RAF1: variants seen among roughly 807,000 people sequenced by gnomAD.
RAF1 encodes the protein Raf-1 proto-oncogene, serine/threonine kinase.
A neutral mutation model predicts 81.1 loss-of-function variants in RAF1; 27 were observed. The observed-to-expected ratio is 0.33, with a 90% CI of 0.25 to 0.46. The LOEUF is 0.46. Ranked by LOEUF, RAF1 falls within the 20% of genes least tolerant of loss-of-function variation. The probability of loss-of-function intolerance (pLI) is 1.00; values close to 1 mark genes in which losing one functional copy is unlikely to be tolerated. For synonymous variants in RAF1, 298 were observed against 294.0 expected (o/e 1.01, Z -0.14); for missense variants, 598 against 826.0 (o/e 0.72, Z 3.38).
chr3:12,635,784 T>C (rs1247526273), intron 1 of RAF1, among the ~76,000 whole-genome samples: 1 of 150,334 alleles, frequency 6.7e-6, no homozygotes, highest in Non-Finnish European at 1.5e-5. Flanking sequence ...CCATCCTGGC[T>C]AACACGGTGA....
intron 6 of RAF1, among the ~76,000 whole-genome samples, chr3:12,605,641 A>G (rs181407743): frequency 6.6e-6 from 1 of 152,210 alleles, no homozygotes; most frequent in Non-Finnish European, 1.5e-5. Flanking sequence ...GTTAACACTG[A>G]GCAGTAGATA....
chr3:12,586,466 T>C (rs561798036), intron 14 of RAF1, among the ~76,000 whole-genome samples: 52 of 152,218 alleles, frequency 3.4e-4, no homozygotes, highest in Non-Finnish European at 4.0e-4. Context: ...ACTTGTGATG[T>C]TGGTGCCCAG....
chr3:12,595,573 T>TC (rs1358871031), intron 11 of RAF1, among the ~76,000 whole-genome samples: 1 of 152,098 alleles, frequency 6.6e-6, no homozygotes, highest in Non-Finnish European at 1.5e-5. Context: ...CTCCTATTAG[T>TC]ATACCTCTCA....
intron 1 of RAF1, among the ~76,000 whole-genome samples, chr3:12,649,630 T>C (rs1247049201): frequency 6.6e-6 from 1 of 151,812 alleles, no homozygotes; most frequent in Admixed American, 6.6e-5. Context: ...CAGTTTTCAC[T>C]GTTAGTTACA....
rs2125318528 is a variant in RAF1 at position 12,584,749 on chromosome 3, C to T, written c.1864-92G>A. On this transcript the variant is annotated intron_variant, in intron 17 of 17. Coordinates refer to ENST00000442415, the MANE Select transcript of RAF1 (RefSeq NM_001354689.3). ...CACCATCTTGTAGAGGACCTGGGTC[C>T]CCTCCCTATAAAACAAAACAAAACA... The T allele has an allele frequency of 1.2e-5, 19 of 1,612,958 alleles. 1 individual carries two copies. In the South Asian group the frequency reaches 2.1e-4, roughly 18 times the overall value.
At position 12,584,168 on chromosome 3, in the gene RAF1, C is replaced by A; in HGVS notation, c.*346G>T. ...ACATCAGGGCTGGACTGCCTGCTACCTTACTTCCTCTAAATACTCATGTAG... is the reference window on the plus strand; with the variant it reads ...ACATCAGGGCTGGACTGCCTGCTACATTACTTCCTCTAAATACTCATGTAG... On this transcript the variant is annotated 3_prime_UTR_variant, in exon 18 of 18. Coordinates refer to ENST00000442415, the MANE Select transcript of RAF1 (RefSeq NM_001354689.3). 2.5e-6 allele frequency: 1 copy of A among 408,070 alleles called. No individual in the cohort carries two copies. The highest frequency in any genetic ancestry group is 2.8e-5 in the South Asian group (1 of 35,782). The allele number at this position is 408,070 out of a possible 1,614,324, so 25.3% of individuals were successfully genotyped here.
rs144848217 is a variant in RAF1, at chr3:12,633,268, C to T, written c.-26-14521G>A. Among the ~76,000 whole-genome samples the T allele has an allele frequency of 2.8e-3, 431 of 151,984 alleles. 2 individuals are homozygous for T. The highest frequency in any genetic ancestry group is 9.8e-3 in the African/African-American group (408 of 41,464). ...GGGTGAGGCAGGAGGATCACTTGAA[C>T]CCAGGAGTTCAAGACCAGCCTGGAC... On this transcript the variant is annotated intron_variant, in intron 1 of 17. Coordinates refer to ENST00000442415, the MANE Select transcript of RAF1 (RefSeq NM_001354689.3).
At chr3:12,648,449 C>A (rs753276145) in intron 1 of RAF1, among the ~76,000 whole-genome samples, 1 of 152,106 alleles carries the variant, frequency 6.6e-6, no homozygotes, top group South Asian at 2.1e-4. Context: ...AAAATTAGCC[C>A]TCCTCAAAGA....
rs555040923 is a variant in RAF1 at position 12,652,433 on chromosome 3, A to T, written c.-27+11380T>A. On this transcript the variant is annotated intron_variant, in intron 1 of 17. Coordinates refer to ENST00000442415, the MANE Select transcript of RAF1 (RefSeq NM_001354689.3). Reference sequence around the variant, plus strand: ...CTACTCGGGAGGCTGAGGCAAGAGAATCACTTGAACCCAGGAGGCAGGGGC... The same window carrying T: ...CTACTCGGGAGGCTGAGGCAAGAGATTCACTTGAACCCAGGAGGCAGGGGC... Among the ~76,000 whole-genome samples, 16 of 152,154 alleles carry T rather than the reference A, an allele frequency of 1.1e-4. No homozygotes were observed. In the South Asian group the frequency reaches 3.3e-3, roughly 32 times the overall value.
Position 12,590,905 on chromosome 3 carries a change from G to C in RAF1, c.1323C>G (p.Thr441=). Residue 441 remains threonine (T), a synonymous_variant, in exon 13 of 18, where the codon ACC becomes ACG. Transcript: ENST00000442415. Reference sequence around the variant, plus strand: ...AGAGGCTGCTGCCCTCGCACCACTGGGTCACAATTGCCAGGTTGTCCTTTG... The same window carrying C: ...AGAGGCTGCTGCCCTCGCACCACTGCGTCACAATTGCCAGGTTGTCCTTTG... 3 of 1,613,236 alleles carry C rather than the reference G, an allele frequency of 1.9e-6. No homozygotes were observed. Among genetic ancestry groups the C allele is most frequent in the Non-Finnish European group, 2.5e-6 (3 of 1,179,236 alleles).
At position 12,584,938 on chromosome 3, in the gene RAF1, C is replaced by T; in HGVS notation, c.1772G>A (p.Ser591Asn). The change falls in exon 17 of 18, where the codon AGT becomes AAT. Residue 591 changes from serine (S) to asparagine (N), a missense_variant. Ser to Asn is a conservative substitution (Grantham distance 46, BLOSUM62 1). This residue lies in a region of RAF1 where 147 missense variants were observed against 196.1 expected (regional missense o/e 0.75). Transcript: ENST00000442415. ...TTTGGGGCAGTTCTTATATAGCTTACTAAGATCTGGGGAGGCATATCCTCG... is the reference window on the plus strand; with the variant it reads ...TTTGGGGCAGTTCTTATATAGCTTATTAAGATCTGGGGAGGCATATCCTCG... The T allele has an allele frequency of 6.2e-7, 1 of 1,614,156 alleles. No individual in the cohort carries two copies. Among genetic ancestry groups the T allele is most frequent in the Non-Finnish European group, 8.5e-7 (1 of 1,180,024 alleles).
chr3:12,606,338 A>G (rs762701212), intron 5 of RAF1, 39 bp from the exon 6 acceptor site: 1 of 1,474,148 alleles, frequency 6.8e-7, no homozygotes, highest in Non-Finnish European at 9.4e-7. Flanking sequence ...TTAGGCTTGC[A>G]GTAATCTTAC....
chr3:12,585,898 C>G (rs2058319017), intron 14 of RAF1, 99 bp from the exon 14 acceptor site: 1 of 864,682 alleles, frequency 1.2e-6, no homozygotes, highest in Admixed American at 1.7e-5. Context: ...CTCCACCTTA[C>G]CTCTGTCACA....
rs879562318 is a variant in RAF1 at position 12,602,526 on chromosome 3, A to AT, written c.894+951dup. ...ACCACCAAGCCCAGCTAATTTTTACATTTTTTTTTGTAGAGGTGGGGTTTT... is the reference window on the plus strand; with the variant it reads ...ACCACCAAGCCCAGCTAATTTTTACATTTTTTTTTTGTAGAGGTGGGGTTTT... On this transcript the variant is annotated intron_variant, in intron 8 of 17. Coordinates refer to ENST00000442415, the MANE Select transcript of RAF1 (RefSeq NM_001354689.3). Among the ~76,000 whole-genome samples, 1,111 of 150,964 alleles carry AT rather than the reference A, an allele frequency of 7.4e-3. 6 individuals carry two copies. The highest frequency in any genetic ancestry group is 0.025 in the African/African-American group (1,017 of 41,154).
intron 2 of RAF1, among the ~76,000 whole-genome samples, chr3:12,617,288 C>A (rs146143016): frequency 1.2e-4 from 18 of 152,052 alleles, no homozygotes; most frequent in African/African-American, 4.1e-4. Context: ...GTAATTTTTG[C>A]AATTTTAGTA....
chr3:12,663,667 G>A, intron 1 of RAF1, 146 bp downstream of exon 1: 1 of 385,186 alleles, frequency 2.6e-6, no homozygotes, highest in Non-Finnish European at 4.6e-6. Flanking sequence ...GCTACCCCAG[G>A]GTGACAACGG....
At chr3:12,611,910 T>A (rs1181558325) in intron 3 of RAF1, 40 bp downstream of exon 3, 1 of 1,414,992 alleles carries the variant, frequency 7.1e-7, no homozygotes, top group African/African-American at 1.4e-5. Flanking sequence ...TAGAAGATCC[T>A]TACTAGTCTG....
At chr3:12,585,030 A>ATGT (rs1559399306) in intron 16 of RAF1, 49 bp from the exon 16 acceptor site, 3 of 1,614,036 alleles carry the variant, frequency 1.9e-6, no homozygotes. Context: ...TGAACAACAG[A>ATGT]TAATAACAAG....
At chr3:12,660,789 A>G (rs1033501558) in intron 1 of RAF1, among the ~76,000 whole-genome samples, 3 of 152,124 alleles carry the variant, frequency 2.0e-5, no homozygotes, top group Admixed American at 2.0e-4. Context: ...AGCCTGGCTA[A>G]TATGGTGAAA....
Sources: allele counts gnomAD v4.1 joint callset (sites outside exome capture counted in the v4.1 genomes callset), GRCh38; gene constraint gnomAD v4.1.1; regional missense constraint gnomAD v4.1.1; transcripts MANE v1.5; gene names NCBI Gene and HGNC (gene_info 2026-07-23, HGNC 2026-07-21).